Variants in DGKA observed in about 807,000 individuals in gnomAD.
DGKA encodes the protein diacylglycerol kinase alpha, also known as 80 kDa diacylglycerol kinase.
Under a neutral mutation model 105.0 loss-of-function variants are expected in DGKA, and 35 were observed. The observed-to-expected ratio is 0.33, with a 90% CI of 0.25 to 0.44. The LOEUF is 0.44. DGKA is among the 20% of genes least tolerant of loss of function. The pLI is 1.00. For missense variants in DGKA, 665 were observed against 915.0 expected, an observed-to-expected ratio of 0.73 and a Z score of 3.53; for synonymous variants, 296 against 332.0, an observed-to-expected ratio of 0.89 and a Z score of 1.18.
rs1888365069 is a variant in DGKA, at chr12:55,952,488, C to T, written c.1743+57C>T. ...TTTCAGCTTCTTAATAGCCAAGTTT[C>T]TCCCTCCATGGCACCCTTAGGAACT... On this transcript the variant is annotated intron_variant, in intron 20 of 23. Coordinates refer to ENST00000331886, the MANE Select transcript of DGKA (RefSeq NM_001345.5). The surrounding 1 kb of genome is among the most constrained non-coding windows in gnomAD (Gnocchi z 5.1). 14 of 1,541,816 alleles carry T rather than the reference C, an allele frequency of 9.1e-6. No homozygotes were observed. Among genetic ancestry groups the T allele is most frequent in the Middle Eastern group, 1.7e-4 (1 of 5,946 alleles).
At position 55,932,591 on chromosome 12, in the gene DGKA, A is replaced by G; in HGVS notation, c.-82+1247A>G. ...ATGAGCCTTCCTGAGGAAGAATGGC[A>G]AATATTACTGGGCATCTCTTCAGCC... On this transcript the variant is annotated intron_variant, in intron 1 of 23. Transcript: ENST00000331886. The surrounding 1 kb of genome is among the most constrained non-coding windows in gnomAD (Gnocchi z 4.3). 1.4e-6 allele frequency: 1 copy of G among 702,142 alleles called. No individual in the cohort carries two copies. Among genetic ancestry groups the G allele is most frequent in the East Asian group, 2.7e-5 (1 of 37,288 alleles). 43.5% of individuals were successfully genotyped at this position (702,142 alleles called of 1,614,324 possible).
chr12:55,952,223 C>T lies in DGKA; in HGVS notation c.1653-118C>T, dbSNP rs1888307623. ...AGGAGGTCCCCCCAACCAAAGCCAC[C>T]CTTGTTCCCCATGGGACTAAAGTTA... On this transcript the variant is annotated intron_variant, in intron 19 of 23. Transcript: ENST00000331886. This position sits in a 1 kb window ranked among gnomAD's most constrained non-coding sequence, Gnocchi z 5.1. 1.3e-6 allele frequency: 2 copies of T among 1,499,832 alleles called. No homozygotes were observed. 92.9% of individuals were successfully genotyped at this position (1,499,832 alleles called of 1,614,324 possible).
chr12:55,930,316 GAA>G, upstream of DGKA: 1 of 138,904 alleles, frequency 7.2e-6, no homozygotes, highest in East Asian at 2.4e-4. Context: ...TAACAGTGAA[GAA>G]AATACTGTAA....
At chr12:55,939,551 G>A (rs781082192) in intron 9 of DGKA, 22 bp downstream of exon 9, 221 of 1,611,306 alleles carry the variant, frequency 1.4e-4, no homozygotes, top group Non-Finnish European at 1.7e-4. Flanking sequence ...GAGCTGGGAG[G>A]TAGGGGAAGA....
chr12:55,937,128 C>G (rs1189453689), intron 3 of DGKA, 38 bp downstream of exon 3: 2 of 1,605,828 alleles, frequency 1.2e-6, no homozygotes, highest in Non-Finnish European at 1.7e-6. Flanking sequence ...TTGATCAACT[C>G]TTCCCATCTT....
chr12:55,938,757 C>G, intron 6 of DGKA, 158 bp from the exon 7 acceptor site: 14 of 1,531,824 alleles, frequency 9.1e-6, no homozygotes, highest in Non-Finnish European at 1.2e-5. Context: ...TTGGGTCTGC[C>G]TTACAAACAT....
upstream of DGKA, chr12:55,927,931 G>T (rs1883227786): frequency 1.2e-6 from 1 of 802,614 alleles, no homozygotes; most frequent in Non-Finnish European, 1.9e-6. Context: ...AGAGGGCAGG[G>T]TGAAAGCTTC....
intron 9 of DGKA, 35 bp downstream of exon 9, chr12:55,939,564 G>A (rs989303587): frequency 6.2e-7 from 1 of 1,602,310 alleles, no homozygotes; most frequent in African/African-American, 1.3e-5. Context: ...GGGGAAGAGG[G>A]TCAGCCCAGC....
chr12:55,937,077 A>T lies in DGKA; in HGVS notation c.125A>T (p.Tyr42Phe). The T allele has an allele frequency of 3.1e-6, 5 of 1,614,132 alleles. No individual in the cohort carries two copies. Among genetic ancestry groups the T allele is most frequent in the Non-Finnish European group, 4.2e-6 (5 of 1,180,004 alleles). The change falls in exon 3 of 24, where the codon TAT becomes TTT. Residue 42 changes from tyrosine to phenylalanine, a missense_variant. Physicochemically the swap from Tyr to Phe is conservative, Grantham distance 22. Coordinates refer to ENST00000331886, the MANE Select transcript of DGKA (RefSeq NM_001345.5). ...TTCGAGGATGGCGAGATGGCTAAAT[A>T]TGTCCAAGGAGATGTGAGTGGCAGC... ...KLFEDGEMAK[Y>F]VQGDAIGYEG...
At position 55,940,166 on chromosome 12, in the gene DGKA, T is replaced by C. The variant is rs368754120; in HGVS notation, c.794T>C (p.Ile265Thr). 3.7e-6 allele frequency: 6 copies of C among 1,614,184 alleles called. No homozygotes were observed. Among genetic ancestry groups the C allele is most frequent in the Non-Finnish European group, 5.1e-6 (6 of 1,180,002 alleles). The change falls in exon 10 of 24, where the codon ATT (isoleucine) becomes ACT (threonine). Residue 265 changes from isoleucine to threonine, a missense_variant. Transcript: ENST00000331886. This position sits in a 1 kb window ranked among gnomAD's most constrained non-coding sequence, Gnocchi z 4.3. ...VSTYAKSRKDIGVQSHVWVRG... is the reference protein window; with the variant it reads ...VSTYAKSRKDTGVQSHVWVRG... The stretch of plus-strand genomic sequence containing the variant: ...ACCTATGCCAAGTCTCGGAAGGACA[T>C]TGGTGTGAGTGATCTCATGCCTCCA...
intron 17 of DGKA, among the ~76,000 whole-genome samples, chr12:55,945,075 T>G (rs1886743634): frequency 6.6e-6 from 1 of 152,084 alleles, no homozygotes; most frequent in South Asian, 2.1e-4. Flanking sequence ...GCTGGGATTA[T>G]ATGCGTGAGC....
At chr12:55,928,894 G>T (rs149607663), upstream of DGKA, among the ~76,000 whole-genome samples, 356 of 152,058 alleles carry the variant, frequency 2.3e-3, no homozygotes, top group African/African-American at 8.2e-3. Flanking sequence ...GGTGTCTCAT[G>T]CCTGTAATCC....
At position 55,952,485 on chromosome 12, in the gene DGKA, T is replaced by G; in HGVS notation, c.1743+54T>G. The G allele has an allele frequency of 6.4e-7, 1 of 1,558,152 alleles. No homozygotes were observed. Among genetic ancestry groups the G allele is most frequent in the South Asian group, 1.1e-5 (1 of 89,822 alleles). On this transcript the variant is annotated intron_variant, in intron 20 of 23. Transcript: ENST00000331886. The surrounding 1 kb of genome is among the most constrained non-coding windows in gnomAD (Gnocchi z 5.1). ...CCTTTTCAGCTTCTTAATAGCCAAG[T>G]TTCTCCCTCCATGGCACCCTTAGGA...
Position 55,952,789 on chromosome 12 carries a change from T to C in DGKA, c.1799T>C (p.Leu600Pro). ...SNLSLEGIAV[L>P]NIPSMHGGSN... ...CTGTCCCTAGAAGGCATCGCAGTGC[T>C]AAACATCCCTAGCATGCATGGTGGC... The change falls in exon 21 of 24, where the codon CTA (leucine) becomes CCA (proline). Residue 600 changes from leucine (L) to proline (P), a missense_variant. Leu to Pro is a moderately conservative substitution (Grantham distance 98). Coordinates refer to ENST00000331886, the MANE Select transcript of DGKA (RefSeq NM_001345.5). The surrounding 1 kb of genome is among the most constrained non-coding windows in gnomAD (Gnocchi z 5.1). 6.2e-7 allele frequency: 1 copy of C among 1,614,110 alleles called. No individual in the cohort carries two copies. The highest frequency in any genetic ancestry group is 1.7e-5 in the Admixed American group (1 of 60,006).
In DGKA at chr12:55,932,708, C is replaced by T. The variant is rs77995442; in HGVS notation, c.-82+1364C>T. 12 of 472,634 alleles carry T rather than the reference C, an allele frequency of 2.5e-5. No homozygotes were observed. In the African/African-American group the frequency reaches 3.6e-4, roughly 14 times the overall value. 29.3% of individuals were successfully genotyped at this position (472,634 alleles called of 1,614,324 possible). On this transcript the variant is annotated intron_variant, in intron 1 of 23. Coordinates refer to ENST00000331886, the MANE Select transcript of DGKA (RefSeq NM_001345.5). This position sits in a 1 kb window ranked among gnomAD's most constrained non-coding sequence, Gnocchi z 4.3. Reference sequence around the variant, plus strand: ...GACACCCTCTACACACACACACACACGCACACACACACACACACACACACA... The same window carrying T: ...GACACCCTCTACACACACACACACATGCACACACACACACACACACACACA...
intron 1 of DGKA, chr12:55,935,477 C>T (rs1884444294): frequency 6.6e-6 from 1 of 152,188 alleles, no homozygotes; most frequent in Admixed American, 6.5e-5. Context: ...ATCCAGTAGC[C>T]AAAACCTGGG....
chr12:55,952,042 C>T lies in DGKA; in HGVS notation c.1595C>T (p.Ser532Phe). 1 of 1,614,050 alleles carries T rather than the reference C, an allele frequency of 6.2e-7. No individual in the cohort carries two copies. ...ATGTCCCGAACTCTCCAGGATGCCTCTATTGCTCATCGATTCCACATCATG... is the reference window on the plus strand; with the variant it reads ...ATGTCCCGAACTCTCCAGGATGCCTTTATTGCTCATCGATTCCACATCATG... ...NNYFSIGVDA[S>F]IAHRFHIMRE... The change falls in exon 19 of 24, where the codon TCT (serine) becomes TTT (phenylalanine). Residue 532 changes from serine (S) to phenylalanine (F), a missense_variant. Ser to Phe is a radical substitution (Grantham distance 155, BLOSUM62 -2). Transcript: ENST00000331886. The surrounding 1 kb of genome is among the most constrained non-coding windows in gnomAD (Gnocchi z 5.1).
rs1883587367 is a variant in DGKA at position 55,931,228 on chromosome 12, A to G, written c.-198A>G. 2 of 152,066 alleles carry G rather than the reference A, an allele frequency of 1.3e-5. No individual in the cohort carries two copies. The highest frequency in any genetic ancestry group is 1.3e-4 in the Admixed American group (2 of 15,244). The allele number at this position is 152,066 out of a possible 1,614,324, so 9.4% of individuals were successfully genotyped here. ...TGCTGTACCACCTTCACCACCATCCATGCGACCCCAAGAGCCTTAATGACT... is the reference window on the plus strand; with the variant it reads ...TGCTGTACCACCTTCACCACCATCCGTGCGACCCCAAGAGCCTTAATGACT... On this transcript the variant is annotated 5_prime_UTR_variant, in exon 1 of 24. It removes an upstream start codon present in the reference 5' UTR. Transcript: ENST00000331886.
At chr12:55,934,412 T>C (rs542672220) in intron 1 of DGKA, among the ~76,000 whole-genome samples, 1 of 151,954 alleles carries the variant, frequency 6.6e-6, no homozygotes, top group Non-Finnish European at 1.5e-5. Context: ...ATGGGTAGAG[T>C]CCTTTCTCTA....
Sources: allele counts gnomAD v4.1 joint callset (sites outside exome capture counted in the v4.1 genomes callset), GRCh38; gene constraint gnomAD v4.1.1; non-coding constraint Gnocchi (gnomAD v3.1); transcripts MANE v1.5; gene names NCBI Gene and HGNC (gene_info 2026-07-23, HGNC 2026-07-21).